The following RNGTT variants were observed in gnomAD, a reference collection of about 807,000 sequenced individuals.
The protein encoded by RNGTT is mRNA-capping enzyme.
Under a neutral mutation model 79.3 loss-of-function variants are expected in RNGTT, and 33 were observed. The observed-to-expected ratio is 0.42, with a 90% CI of 0.32 to 0.56. RNGTT has a LOEUF of 0.56. Ranked by LOEUF, RNGTT falls within the 20% of genes least tolerant of loss-of-function variation. The pLI is 0.17. For missense variants in RNGTT, 497 were observed against 739.1 expected (o/e 0.67, Z 3.80); for synonymous variants, 222 against 235.9 (o/e 0.94, Z 0.54).
chr6:88,963,262 A>G, intron 1 of RNGTT, 84 bp downstream of exon 1: 1 of 1,407,746 alleles, frequency 7.1e-7, no homozygotes. Context: ...TGGGCACAGA[A>G]CCACCAAAAG....
intron 10 of RNGTT, among the ~76,000 whole-genome samples, chr6:88,846,645 A>G (rs921667134): frequency 1.3e-5 from 2 of 152,106 alleles, no homozygotes; most frequent in African/African-American, 4.8e-5. Flanking sequence ...CTGTGGTCCC[A>G]GCTACTCGGA....
chr6:88,640,653 C>T (rs1773279987), intron 14 of RNGTT, among the ~76,000 whole-genome samples: 1 of 150,832 alleles, frequency 6.6e-6, no homozygotes, highest in South Asian at 2.1e-4. Flanking sequence ...GCTGAAGATT[C>T]AAAACTGAGG....
At chr6:88,825,180 G>C (rs956775851) in intron 11 of RNGTT, among the ~76,000 whole-genome samples, 2 of 152,000 alleles carry the variant, frequency 1.3e-5, no homozygotes, top group Non-Finnish European at 2.9e-5. Flanking sequence ...TACACTGAAG[G>C]GTACACTGAG....
intron 10 of RNGTT, among the ~76,000 whole-genome samples, chr6:88,847,706 A>G (rs1473700405): frequency 1.3e-5 from 2 of 152,074 alleles, no homozygotes; most frequent in Non-Finnish European, 2.9e-5. Context: ...TAAAATATAG[A>G]TTAATTTCTT....
At chr6:88,716,718 C>CA (rs1308044205) in intron 13 of RNGTT, among the ~76,000 whole-genome samples, 23 of 151,898 alleles carry the variant, frequency 1.5e-4, no homozygotes, top group Admixed American at 1.1e-3. Context: ...ATCGCAAGGA[C>CA]AAAAAACCAA....
chr6:88,655,508 G>GTATC (rs1296333182), intron 14 of RNGTT, among the ~76,000 whole-genome samples: 1 of 152,106 alleles, frequency 6.6e-6, no homozygotes, highest in African/African-American at 2.4e-5. Context: ...AAAGCTTAGA[G>GTATC]TATCTGACTG....
At chr6:88,958,189 AAC>A (rs1414563962) in intron 1 of RNGTT, among the ~76,000 whole-genome samples, 2 of 152,104 alleles carry the variant, frequency 1.3e-5, no homozygotes, top group African/African-American at 4.8e-5. Context: ...AGAAGAATGA[AAC>A]TCATCTCTCA....
At chr6:88,959,459 A>G (rs1002877861) in intron 1 of RNGTT, among the ~76,000 whole-genome samples, 1 of 152,178 alleles carries the variant, frequency 6.6e-6, no homozygotes, top group Non-Finnish European at 1.5e-5. Context: ...AGCCCTAATA[A>G]TATCAACTAT....
At chr6:88,836,169 T>C (rs1232822711) in intron 11 of RNGTT, among the ~76,000 whole-genome samples, 1 of 150,710 alleles carries the variant, frequency 6.6e-6, no homozygotes, top group Admixed American at 6.6e-5. Flanking sequence ...GTATGAATTC[T>C]CTTTAGTATG....
intron 14 of RNGTT, among the ~76,000 whole-genome samples, chr6:88,622,810 T>C (rs907102297): frequency 6.6e-6 from 1 of 152,070 alleles, no homozygotes; most frequent in African/African-American, 2.4e-5. Context: ...TGACAAATAC[T>C]GATCAACCAT....
chr6:88,802,662 A>G (rs1779829329), intron 11 of RNGTT, among the ~76,000 whole-genome samples: 1 of 152,330 alleles, frequency 6.6e-6, no homozygotes, highest in East Asian at 1.9e-4. Context: ...GTGGCCTCAC[A>G]GTCATGGCAG....
intron 11 of RNGTT, among the ~76,000 whole-genome samples, chr6:88,806,972 C>A (rs772295929): frequency 6.6e-6 from 1 of 152,110 alleles, no homozygotes; most frequent in East Asian, 1.9e-4. Flanking sequence ...CCATTATCCT[C>A]GGCAAACTAA....
In RNGTT at chr6:88,963,588, A is replaced by G. The variant is rs1308753510; in HGVS notation, c.-179T>C. On this transcript the variant is annotated 5_prime_UTR_variant, in exon 1 of 16. Transcript: ENST00000369485. The stretch of plus-strand genomic sequence containing the variant: ...CGGCGCGCCACTTTCATTCAGGATC[A>G]ACTCCACAGCTCCAGGAGAACCCAC... 1.1e-5 allele frequency: 6 copies of G among 551,176 alleles called. No individual in the cohort carries two copies. Among genetic ancestry groups the G allele is most frequent in the Non-Finnish European group, 1.9e-5 (6 of 321,826 alleles). The allele number at this position is 551,176 out of a possible 1,614,324, so 34.1% of individuals were successfully genotyped here. A position where few individuals can be genotyped will look rare whatever the true frequency, so the allele number is the denominator to read the frequency against.
At chr6:88,643,864 G>A (rs1339482895) in intron 14 of RNGTT, among the ~76,000 whole-genome samples, 1 of 152,170 alleles carries the variant, frequency 6.6e-6, no homozygotes, top group Non-Finnish European at 1.5e-5. Context: ...TGTGTAGAGG[G>A]AAATGTATGG....
At chr6:88,659,178 A>C (rs1018157682) in intron 14 of RNGTT, among the ~76,000 whole-genome samples, 1 of 152,208 alleles carries the variant, frequency 6.6e-6, no homozygotes, top group Non-Finnish European at 1.5e-5. Flanking sequence ...CTATCCACTG[A>C]AACAGTCTAC....
At chr6:88,835,849 A>C (rs929073525) in intron 11 of RNGTT, among the ~76,000 whole-genome samples, 1 of 151,866 alleles carries the variant, frequency 6.6e-6, no homozygotes, top group Admixed American at 6.6e-5. Context: ...AAAGTATTAT[A>C]ATTAGCCAGG....
intron 8 of RNGTT, among the ~76,000 whole-genome samples, chr6:88,884,997 T>C (rs1371702688): frequency 6.6e-6 from 1 of 152,016 alleles, no homozygotes; most frequent in Non-Finnish European, 1.5e-5. Flanking sequence ...ATAAATCCTA[T>C]GGCAGTGCAT....
intron 11 of RNGTT, among the ~76,000 whole-genome samples, chr6:88,811,376 C>T (rs1157573582): frequency 6.6e-6 from 1 of 151,978 alleles, no homozygotes; most frequent in Non-Finnish European, 1.5e-5. Context: ...CTTTGAATAC[C>T]ATCTGAAATA....
rs574567141 is a variant in RNGTT at position 88,680,468 on chromosome 6, G to A, written c.1440-2049C>T. Among the ~76,000 whole-genome samples the A allele has an allele frequency of 3.3e-5, 5 of 152,202 alleles. No homozygotes were observed. The South Asian group carries it at 8.3e-4, about 25-fold the overall frequency. ...TTCTATAAGAGCCTACAGGCCAGGCGTGGTGGCTCACACCTGTAATCCCAG... is the reference window on the plus strand; with the variant it reads ...TTCTATAAGAGCCTACAGGCCAGGCATGGTGGCTCACACCTGTAATCCCAG... On this transcript the variant is annotated intron_variant, in intron 13 of 15. Coordinates refer to ENST00000369485, the MANE Select transcript of RNGTT (RefSeq NM_003800.5).
Sources: allele counts gnomAD v4.1 joint callset (sites outside exome capture counted in the v4.1 genomes callset), GRCh38; gene constraint gnomAD v4.1.1; transcripts MANE v1.5; gene names NCBI Gene and HGNC (gene_info 2026-07-23, HGNC 2026-07-21).